MAGI2: variants seen among roughly 807,000 people sequenced by gnomAD.
MAGI2 encodes membrane associated guanylate kinase, WW and PDZ domain containing 2.
In MAGI2, 35 loss-of-function variants were observed where a neutral mutation model predicts 133.3. That is an observed-to-expected ratio of 0.26 (90% CI 0.20 to 0.35). The LOEUF is 0.35. Among genes scored for constraint, MAGI2 ranks in the 10% least tolerant of loss-of-function variants. MAGI2 has a pLI of 1.00. For missense variants in MAGI2, 1,636 were observed against 1,863.4 expected (o/e 0.88, Z 2.25); for synonymous variants, 729 against 710.6 (o/e 1.03, Z -0.41).
At chr7:78,023,275 C>A (rs1808590895) in intron 21 of MAGI2, among the ~76,000 whole-genome samples, 1 of 152,180 alleles carries the variant, frequency 6.6e-6, no homozygotes. Context: ...GAAATCTTGA[C>A]ATATAATAAC....
chr7:79,266,945 T>C (rs1834505810), intron 1 of MAGI2, among the ~76,000 whole-genome samples: 1 of 152,072 alleles, frequency 6.6e-6, no homozygotes, highest in South Asian at 2.1e-4. Flanking sequence ...GTCTATCACA[T>C]AGACTTCAGA....
intron 1 of MAGI2, among the ~76,000 whole-genome samples, chr7:79,257,252 T>C (rs187235083): frequency 2.6e-4 from 40 of 152,210 alleles, no homozygotes; most frequent in African/African-American, 8.4e-4. Flanking sequence ...TCATAATTTG[T>C]TTTTAATAAT....
At chr7:78,664,157 T>C (rs990869835) in intron 2 of MAGI2, among the ~76,000 whole-genome samples, 5 of 152,176 alleles carry the variant, frequency 3.3e-5, no homozygotes, top group Admixed American at 2.6e-4. Flanking sequence ...TGAATAATTA[T>C]ATATTATTGA....
chr7:79,128,801 C>T (rs1398855051), intron 1 of MAGI2, among the ~76,000 whole-genome samples: 1 of 152,172 alleles, frequency 6.6e-6, no homozygotes, highest in African/African-American at 2.4e-5. Flanking sequence ...AACCTATCAT[C>T]GTAAGTTGAA....
intron 2 of MAGI2, among the ~76,000 whole-genome samples, chr7:78,955,689 CTT>C (rs1185658897): frequency 1.7e-5 from 2 of 117,746 alleles, no homozygotes; most frequent in East Asian, 5.0e-4. Context: ...CCCTCCCTCC[CTT>C]TCTCTCTCCC....
At chr7:78,734,114 A>G (rs1476468526) in intron 2 of MAGI2, among the ~76,000 whole-genome samples, 1 of 152,196 alleles carries the variant, frequency 6.6e-6, no homozygotes, top group African/African-American at 2.4e-5. Flanking sequence ...AATTTGGACA[A>G]AGCAATCAGA....
chr7:79,362,853 A>G (rs1563153269), intron 1 of MAGI2, among the ~76,000 whole-genome samples: 1 of 152,010 alleles, frequency 6.6e-6, no homozygotes, highest in African/African-American at 2.4e-5. Context: ...ATACTTAGTG[A>G]TGAAAGACTG....
intron 1 of MAGI2, among the ~76,000 whole-genome samples, chr7:79,445,787 ACCATTTGGCCCAG>A (rs1230032437): frequency 6.6e-6 from 1 of 152,170 alleles, no homozygotes; most frequent in Admixed American, 6.5e-5. Flanking sequence ...AACTAGAAAT[ACCATTTGGCCCAG>A]CCATCCAATT....
At chr7:78,916,264 C>T (rs890971298) in intron 2 of MAGI2, among the ~76,000 whole-genome samples, 6 of 151,812 alleles carry the variant, frequency 4.0e-5, no homozygotes, top group South Asian at 2.1e-4. Flanking sequence ...ACACAAAATA[C>T]GTACTTAATG....
intron 11 of MAGI2, among the ~76,000 whole-genome samples, chr7:78,200,683 T>G (rs1829166745): frequency 6.6e-6 from 1 of 152,124 alleles, no homozygotes; most frequent in Non-Finnish European, 1.5e-5. Flanking sequence ...AAAGCTAACA[T>G]ATATATACAC....
At chr7:78,416,006 G>A (rs1428110019) in intron 6 of MAGI2, among the ~76,000 whole-genome samples, 3 of 152,092 alleles carry the variant, frequency 2.0e-5, no homozygotes, top group African/African-American at 7.2e-5. Context: ...CAGTTCCAGG[G>A]AGCAGAATGG....
Position 78,701,264 on chromosome 7 carries a change from ACT to A in MAGI2, c.419-74027_419-74026del, listed in dbSNP as rs1818041621. ...ATAAACATCTGGTTGGTTTGATCAG[ACT>A]CTGTGATTTTGACTGTAAACAAGAT... On this transcript the variant is annotated intron_variant, in intron 2 of 21. Coordinates refer to ENST00000354212, the MANE Select transcript of MAGI2 (RefSeq NM_012301.4). 2.0e-5 allele frequency among the ~76,000 whole-genome samples: 3 copies of A among 151,936 alleles called. No individual in the cohort carries two copies. The East Asian group carries it at 5.8e-4, about 29-fold the overall frequency.
chr7:78,230,268 C>A (rs1428387565), intron 10 of MAGI2, among the ~76,000 whole-genome samples: 3 of 152,190 alleles, frequency 2.0e-5, no homozygotes, highest in African/African-American at 7.2e-5. Context: ...TTTTATATGA[C>A]ATTGATAATT....
chr7:78,889,423 A>C (rs1396200559), intron 2 of MAGI2, among the ~76,000 whole-genome samples: 1 of 152,210 alleles, frequency 6.6e-6, no homozygotes, highest in Non-Finnish European at 1.5e-5. Context: ...AAGACACATA[A>C]TTGTCAGATT....
At chr7:78,923,412 G>A (rs952593112) in intron 2 of MAGI2, among the ~76,000 whole-genome samples, 1 of 152,072 alleles carries the variant, frequency 6.6e-6, no homozygotes, top group African/African-American at 2.4e-5. Flanking sequence ...TTCTACATAT[G>A]GCTAGCCAGT....
chr7:78,665,246 T>C (rs1220742176), intron 2 of MAGI2, among the ~76,000 whole-genome samples: 1 of 152,146 alleles, frequency 6.6e-6, no homozygotes, highest in Non-Finnish European at 1.5e-5. Flanking sequence ...AAAAGCTGTA[T>C]GAAAAAGCTT....
At chr7:78,868,915 G>A (rs1161714114) in intron 2 of MAGI2, among the ~76,000 whole-genome samples, 2 of 152,086 alleles carry the variant, frequency 1.3e-5, no homozygotes, top group African/African-American at 2.4e-5. Context: ...CACAATGCCC[G>A]GCTAATTTTT....
At chr7:79,257,557 G>A (rs193143901) in intron 1 of MAGI2, among the ~76,000 whole-genome samples, 81 of 152,224 alleles carry the variant, frequency 5.3e-4, no homozygotes, top group African/African-American at 1.8e-3. Flanking sequence ...GTTCTGCGTT[G>A]GAGAAAATGT....
chr7:78,390,471 T>C (rs1259778918), intron 6 of MAGI2, among the ~76,000 whole-genome samples: 2 of 152,206 alleles, frequency 1.3e-5, no homozygotes, highest in Admixed American at 1.3e-4. Flanking sequence ...TTTACATTTT[T>C]CTGTGTAAAG....
Sources: gnomAD v4.1 joint callset for allele counts (sites outside exome capture counted in the v4.1 genomes callset) on GRCh38, gnomAD v4.1.1 for gene constraint, MANE v1.5 for transcripts, NCBI Gene and HGNC (gene_info 2026-07-23, HGNC 2026-07-21) for gene names.